Variants in PMFBP1 observed in about 807,000 individuals in gnomAD.
PMFBP1 encodes the protein polyamine modulated factor 1 binding protein 1, also known as polyamine-modulated factor 1-binding protein 1.
PMFBP1 carries 131 observed loss-of-function variants against 137.8 expected under a neutral mutation model. The observed-to-expected ratio is 0.95, with a 90% CI of 0.82 to 1.10. The LOEUF is 1.10. Among genes scored for constraint, PMFBP1 ranks in the 50% least tolerant of loss-of-function variants. The pLI is 0.00. For synonymous variants in PMFBP1, 490 were observed against 450.4 expected (o/e 1.09, Z -1.11); for missense variants, 1,199 against 1,175.4 (o/e 1.02, Z -0.29).
chr16:72,123,479 C>T, intron 18 of PMFBP1, 67 bp downstream of exon 18: 3 of 1,383,184 alleles, frequency 2.2e-6, no homozygotes, highest in South Asian at 1.2e-5. Context: ...TAATCTTTGG[C>T]ACGCATGTGG....
chr16:72,139,442 A>G (rs2042682909), intron 6 of PMFBP1, 43 bp from the exon 7 acceptor site: 2 of 1,398,242 alleles, frequency 1.4e-6, no homozygotes, highest in East Asian at 4.6e-5. Flanking sequence ...GATCAATGGA[A>G]CGTGCTTGTT....
chr16:72,187,112 C>CAAA, the PMFBP1 span, among the ~76,000 whole-genome samples: 10 of 112,904 alleles, frequency 8.9e-5, no homozygotes, highest in African/African-American at 3.5e-4. Context: ...GACTCCATCT[C>CAAA]AAAAAAAAAA....
At chr16:72,228,497 C>T in the PMFBP1 span, among the ~76,000 whole-genome samples, 88 of 152,280 alleles carry the variant, frequency 5.8e-4, no homozygotes, top group East Asian at 0.016. Flanking sequence ...ACTCTTCTCC[C>T]GTTTCTAGGA....
the PMFBP1 span, among the ~76,000 whole-genome samples, chr16:72,204,190 A>ATTTTTTT: frequency 7.1e-6 from 1 of 140,210 alleles, no homozygotes; most frequent in Non-Finnish European, 1.6e-5. Flanking sequence ...ACTCATGCGC[A>ATTTTTTT]TTTTTTTTTT....
chr16:72,177,385 C>A (rs1223886226), upstream of PMFBP1, among the ~76,000 whole-genome samples: 1 of 152,200 alleles, frequency 6.6e-6, no homozygotes, highest in South Asian at 2.1e-4. Context: ...TGTACCCTTT[C>A]CCCCTTACAG....
chr16:72,145,661 G>T (rs998612999), intron 5 of PMFBP1, among the ~76,000 whole-genome samples: 1 of 151,918 alleles, frequency 6.6e-6, no homozygotes, highest in Non-Finnish European at 1.5e-5. Flanking sequence ...AAAGAGAGAA[G>T]AATCAAATAG....
Position 72,120,017 on chromosome 16 carries a change from C to A in PMFBP1, c.2841G>T (p.Lys947Asn). Residue 947 changes from lysine to asparagine, a missense_variant, in exon 20 of 21, where the codon AAG becomes AAT. Coordinates refer to ENST00000237353, the MANE Select transcript of PMFBP1 (RefSeq NM_031293.3). ...ATAGCCTTGTGTTCTCGGCTTTCAT[C>A]TTCTTCTCTTCTATCTCCTTCTTCA... is the stretch of plus-strand genomic sequence containing the variant. Reference protein sequence around the residue: ...KKLKKEIEEKKMKAENTRLCT... With the variant: ...KKLKKEIEEKNMKAENTRLCT... The A allele has an allele frequency of 6.2e-7, 1 of 1,614,150 alleles. No individual in the cohort carries two copies. Among genetic ancestry groups the A allele is most frequent in the Non-Finnish European group, 8.5e-7 (1 of 1,180,018 alleles).
chr16:72,177,714 G>A (rs1237545398), upstream of PMFBP1, among the ~76,000 whole-genome samples: 1 of 152,108 alleles, frequency 6.6e-6, no homozygotes, highest in East Asian at 1.9e-4. Flanking sequence ...TTTCACTAAT[G>A]TCCTTTTTCT....
rs745914255 is a variant in PMFBP1, at chr16:72,136,766, C to G, written c.972G>C (p.Glu324Asp). 1.9e-6 allele frequency: 3 copies of G among 1,614,176 alleles called. No homozygotes were observed. The highest frequency in any genetic ancestry group is 2.5e-6 in the Non-Finnish European group (3 of 1,180,032). Residue 324 changes from glutamate (E) to aspartate (D), a missense_variant, in exon 8 of 21, where the codon GAG (glutamate) becomes GAC (aspartate). Coordinates refer to ENST00000237353, the MANE Select transcript of PMFBP1 (RefSeq NM_031293.3). ...GCAGATCCTTCACCAGGTTCTGGTA[C>G]TCCTCCACATGCAGGCACTGGCTGT... ...QKDSQCLHVE[E>D]YQNLVKDLRV... is the part of the protein sequence containing the mutation.
At chr16:72,135,104 G>C (rs946447556) in intron 9 of PMFBP1, among the ~76,000 whole-genome samples, 1 of 152,104 alleles carries the variant, frequency 6.6e-6, no homozygotes, top group South Asian at 2.1e-4. Context: ...CTGTTTTGAC[G>C]GGCATATCTC....
the PMFBP1 span, among the ~76,000 whole-genome samples, chr16:72,235,491 ATTCTT>A: frequency 7.1e-6 from 1 of 140,768 alleles, no homozygotes; most frequent in African/African-American, 2.8e-5. Flanking sequence ...TGTTTTGGCC[ATTCTT>A]TTTTTTTTTT....
the PMFBP1 span, among the ~76,000 whole-genome samples, chr16:72,248,896 C>T: frequency 6.6e-6 from 1 of 152,190 alleles, no homozygotes; most frequent in African/African-American, 2.4e-5. Context: ...GAGGGCTGCA[C>T]ATGGGGAAGA....
intron 3 of PMFBP1, among the ~76,000 whole-genome samples, chr16:72,164,033 TAACAAC>T (rs36030275): frequency 4.7e-5 from 7 of 148,368 alleles, no homozygotes; most frequent in East Asian, 2.0e-4. Flanking sequence ...CTTACTCATG[TAACAAC>T]AACAACAACA....
rs186091294 is a variant in PMFBP1 at position 72,151,530 on chromosome 16, C to T, written c.415-701G>A. On this transcript the variant is annotated intron_variant, in intron 4 of 20. Transcript: ENST00000237353. Reference sequence around the variant, plus strand: ...GTTGAGTGTGCTAAATTGTATGGCTCGAATTTGATGTGTTGAAGGAGTTAA... The same window carrying T: ...GTTGAGTGTGCTAAATTGTATGGCTTGAATTTGATGTGTTGAAGGAGTTAA... 3.7e-3 allele frequency among the ~76,000 whole-genome samples: 561 copies of T among 152,066 alleles called. 3 individuals carry two copies. Among genetic ancestry groups the T allele is most frequent in the Non-Finnish European group, 4.5e-3 (308 of 68,004 alleles).
chr16:72,117,038 A>G (rs2042315349), downstream of PMFBP1, among the ~76,000 whole-genome samples: 1 of 151,110 alleles, frequency 6.6e-6, no homozygotes, highest in Non-Finnish European at 1.5e-5. Flanking sequence ...TTTCTGCAAA[A>G]AAAAAAAAAA....
chr16:72,192,901 C>CAAAA, the PMFBP1 span, among the ~76,000 whole-genome samples: 18 of 85,244 alleles, frequency 2.1e-4, no homozygotes, highest in African/African-American at 6.4e-4. Flanking sequence ...GTCTCTGTCT[C>CAAAA]AAAAAAAAAA....
chr16:72,119,234 ACTC>A lies in PMFBP1; in HGVS notation c.*101_*103del. On this transcript the variant is annotated 3_prime_UTR_variant, in exon 21 of 21. Coordinates refer to ENST00000237353, the MANE Select transcript of PMFBP1 (RefSeq NM_031293.3). ...GCAAAATAGGCTGGGACCGTGATATACTCCTGTAAGAGCTGATCCAGGTCAAGA... is the reference window on the plus strand; with the variant it reads ...GCAAAATAGGCTGGGACCGTGATATACTGTAAGAGCTGATCCAGGTCAAGA... 7.7e-7 allele frequency: 1 copy of A among 1,303,494 alleles called. No homozygotes were observed. The highest frequency in any genetic ancestry group is 1.1e-6 in the Non-Finnish European group (1 of 906,586). 80.7% of individuals were successfully genotyped at this position (1,303,494 alleles called of 1,614,324 possible). A position where few individuals can be genotyped will look rare whatever the true frequency, so the allele number is the denominator to read the frequency against.
At chr16:72,160,773 T>G (rs901626032) in intron 3 of PMFBP1, among the ~76,000 whole-genome samples, 1 of 152,244 alleles carries the variant, frequency 6.6e-6, no homozygotes, top group African/African-American at 2.4e-5. Flanking sequence ...ATTTGTATAG[T>G]TGAAAAATTC....
At chr16:72,241,845 G>A in the PMFBP1 span, among the ~76,000 whole-genome samples, 1 of 152,206 alleles carries the variant, frequency 6.6e-6, no homozygotes, top group Non-Finnish European at 1.5e-5. Context: ...AATGGCTGGT[G>A]TTTAATTGCA....
Sources: gnomAD v4.1 joint callset for allele counts (sites outside exome capture counted in the v4.1 genomes callset) on GRCh38, gnomAD v4.1.1 for gene constraint, MANE v1.5 for transcripts, NCBI Gene and HGNC (gene_info 2026-07-23, HGNC 2026-07-21) for gene names.